The following AKT3 variants were observed in gnomAD, a reference collection of about 807,000 sequenced individuals.
AKT3 encodes the protein RAC-gamma serine/threonine-protein kinase.
Under a neutral mutation model 65.3 loss-of-function variants are expected in AKT3, and 15 were observed. The ratio of observed to expected loss-of-function variants is 0.23; its 90% CI spans 0.15 to 0.35. AKT3 has a LOEUF of 0.35. AKT3 is among the 10% of genes least tolerant of loss of function. AKT3 has a pLI of 1.00. For missense variants in AKT3, 243 were observed against 576.5 expected (o/e 0.42, Z 5.92); for synonymous variants, 206 against 183.8 (o/e 1.12, Z -0.98).
chr1:243,614,197 A>G (rs906440456), intron 7 of AKT3, among the ~76,000 whole-genome samples: 1 of 152,164 alleles, frequency 6.6e-6, no homozygotes, highest in African/African-American at 2.4e-5. Flanking sequence ...CCAACCTAAC[A>G]GAGTTGGTTT....
chr1:243,708,524 C>T (rs949486289), intron 2 of AKT3, among the ~76,000 whole-genome samples: 1 of 151,962 alleles, frequency 6.6e-6, no homozygotes, highest in Non-Finnish European at 1.5e-5. Flanking sequence ...CTTTCCTCAT[C>T]ATTATCTGTA....
rs1333325524 is a variant in AKT3 at position 243,503,743 on chromosome 1, T to TTA, written c.*1504_*1505dup. The stretch of plus-strand genomic sequence containing the variant: ...TTTTTGTTGTTTTTTCCCTGATGGC[T>TTA]TAATTCAGTGATAAATGTACCATGA... On this transcript the variant is annotated 3_prime_UTR_variant, in exon 14 of 14. Coordinates refer to ENST00000673466, the MANE Select transcript of AKT3 (RefSeq NM_005465.7). 1.3e-5 allele frequency: 3 copies of TTA among 231,616 alleles called. No homozygotes were observed. Among genetic ancestry groups the TTA allele is most frequent in the African/African-American group, 6.6e-5 (3 of 45,212 alleles). The allele number at this position is 231,616 out of a possible 1,614,324, so 14.3% of individuals were successfully genotyped here. A position where few individuals can be genotyped will look rare whatever the true frequency, so the allele number is the denominator to read the frequency against.
At chr1:243,650,563 C>T (rs1310343334) in intron 4 of AKT3, among the ~76,000 whole-genome samples, 7 of 152,186 alleles carry the variant, frequency 4.6e-5, no homozygotes, top group East Asian at 1.9e-4. Flanking sequence ...GTCTTTAATC[C>T]ATCTTGGGTT....
At chr1:243,777,695 A>G (rs1165813681) in intron 2 of AKT3, among the ~76,000 whole-genome samples, 1 of 152,142 alleles carries the variant, frequency 6.6e-6, no homozygotes, top group East Asian at 1.9e-4. Context: ...TCCCATATTC[A>G]ACACTGTACT....
Position 243,503,766 on chromosome 1 carries a change from T to A in AKT3, c.*1483A>T, listed in dbSNP as rs1669494870. On this transcript the variant is annotated 3_prime_UTR_variant, in exon 14 of 14. Transcript: ENST00000673466. ...GCTTAATTCAGTGATAAATGTACCATGATCCCAAGAAACACACCAGGTTCT... is the reference window on the plus strand; with the variant it reads ...GCTTAATTCAGTGATAAATGTACCAAGATCCCAAGAAACACACCAGGTTCT... The A allele has an allele frequency of 4.3e-6, 1 of 231,326 alleles. No homozygotes were observed. The highest frequency in any genetic ancestry group is 8.6e-6 in the Non-Finnish European group (1 of 116,660). The allele number at this position is 231,326 out of a possible 1,614,324, so 14.3% of individuals were successfully genotyped here. A position where few individuals can be genotyped will look rare whatever the true frequency, so the allele number is the denominator to read the frequency against.
intron 2 of AKT3, among the ~76,000 whole-genome samples, chr1:243,700,716 A>G (rs1685394758): frequency 6.6e-6 from 1 of 152,018 alleles, no homozygotes; most frequent in East Asian, 1.9e-4. Flanking sequence ...GTTGGCCAGG[A>G]TGGTCTCGAT....
chr1:243,534,839 T>A (rs1558596033), intron 12 of AKT3, among the ~76,000 whole-genome samples: 1 of 152,132 alleles, frequency 6.6e-6, no homozygotes, highest in Non-Finnish European at 1.5e-5. Context: ...GTTAAAATAA[T>A]GCTTAGAGGA....
At chr1:243,610,898 A>G (rs1558651745) in intron 8 of AKT3, among the ~76,000 whole-genome samples, 1 of 152,188 alleles carries the variant, frequency 6.6e-6, no homozygotes, top group Non-Finnish European at 1.5e-5. Context: ...TCAGATGGAT[A>G]TAGAGATTCC....
chr1:243,622,846 G>A (rs1228284312), intron 6 of AKT3, among the ~76,000 whole-genome samples: 5 of 152,304 alleles, frequency 3.3e-5, no homozygotes, highest in Middle Eastern at 6.8e-3. Context: ...GGCTGATCAC[G>A]TTAAGAGATT....
chr1:243,796,003 T>C (rs1381568333), intron 2 of AKT3, among the ~76,000 whole-genome samples: 1 of 152,178 alleles, frequency 6.6e-6, no homozygotes, highest in African/African-American at 2.4e-5. Flanking sequence ...TTCTGACCCC[T>C]ATCTTCCTTA....
At chr1:243,805,462 T>G (rs1692665645) in intron 2 of AKT3, among the ~76,000 whole-genome samples, 1 of 152,226 alleles carries the variant, frequency 6.6e-6, no homozygotes, top group Non-Finnish European at 1.5e-5. Flanking sequence ...CTGCTCACTT[T>G]ATTGCTCTCC....
intron 3 of AKT3, among the ~76,000 whole-genome samples, chr1:243,691,057 T>C (rs978268582): frequency 3.9e-5 from 6 of 152,002 alleles, no homozygotes; most frequent in Non-Finnish European, 5.9e-5. Flanking sequence ...CAGAAGATAA[T>C]AGATTTAAGA....
chr1:243,709,805 T>C (rs938092980), intron 2 of AKT3, among the ~76,000 whole-genome samples: 3 of 152,086 alleles, frequency 2.0e-5, no homozygotes, highest in African/African-American at 7.2e-5. Context: ...GTTCTATGCG[T>C]TCTTCCTTAG....
intron 8 of AKT3, among the ~76,000 whole-genome samples, chr1:243,597,748 T>C (rs1676726778): frequency 6.6e-6 from 1 of 152,226 alleles, no homozygotes; most frequent in African/African-American, 2.4e-5. Context: ...GTGATCCTCC[T>C]GCCTTGGCCT....
At chr1:243,606,047 G>A (rs548857690) in intron 8 of AKT3, among the ~76,000 whole-genome samples, 10 of 152,226 alleles carry the variant, frequency 6.6e-5, no homozygotes, top group African/African-American at 1.7e-4. Context: ...CTTTCACCAC[G>A]ATTGTAGGTT....
At chr1:243,804,793 G>C (rs1408828476) in intron 2 of AKT3, among the ~76,000 whole-genome samples, 1 of 151,446 alleles carries the variant, frequency 6.6e-6, no homozygotes, top group Admixed American at 6.6e-5. Flanking sequence ...CTTGTAGTGA[G>C]CTGAGATCGC....
intron 12 of AKT3, among the ~76,000 whole-genome samples, chr1:243,527,936 CAGAG>C (rs141407272): frequency 0.016 from 606 of 38,108 alleles, 17 homozygotes; most frequent in African/African-American, 0.021. Context: ...CACACACACA[CAGAG>C]AGAGAGAGAG....
intron 4 of AKT3, among the ~76,000 whole-genome samples, chr1:243,663,885 A>G (rs1043840370): frequency 7.9e-5 from 12 of 152,318 alleles, no homozygotes; most frequent in Middle Eastern, 6.8e-3. Context: ...AAGTGGTTGT[A>G]AAAACTGATA....
chr1:243,602,334 AAAAC>A (rs1464357746), intron 8 of AKT3, among the ~76,000 whole-genome samples: 3 of 152,336 alleles, frequency 2.0e-5, no homozygotes, highest in South Asian at 4.1e-4. Context: ...CATTGGGTGA[AAAAC>A]AAAATTCTGA....
Sources: allele counts gnomAD v4.1 joint callset (sites outside exome capture counted in the v4.1 genomes callset), GRCh38; gene constraint gnomAD v4.1.1; transcripts MANE v1.5; gene names NCBI Gene and HGNC (gene_info 2026-07-23, HGNC 2026-07-21).